Variants in TPR observed in about 807,000 individuals in gnomAD.
The protein encoded by TPR is translocated promoter region, nuclear basket protein, also known as nucleoprotein TPR.
Under a neutral mutation model 316.1 loss-of-function variants are expected in TPR, and 51 were observed. The ratio of observed to expected loss-of-function variants is 0.16; its 90% CI spans 0.13 to 0.20. TPR has a LOEUF of 0.20. Among genes scored for constraint, TPR ranks in the 10% least tolerant of loss-of-function variants. The pLI, the probability that TPR is intolerant of heterozygous loss-of-function variation, is 1.00. For missense variants in TPR, 2,272 were observed against 2,754.8 expected (o/e 0.82, Z 3.92); for synonymous variants, 981 against 914.7 (o/e 1.07, Z -1.31).
chr1:186,331,640 G>T, intron 38 of TPR, 59 bp from the exon 39 acceptor site: 3 of 1,104,594 alleles, frequency 2.7e-6, no homozygotes, highest in South Asian at 2.1e-5. Flanking sequence ...AGGGTTACCT[G>T]TTTTTGTTAG....
At chr1:186,339,616 ATGATT>A in intron 30 of TPR, 21 bp downstream of exon 30, 2 of 1,497,116 alleles carry the variant, frequency 1.3e-6, no homozygotes, top group Non-Finnish European at 1.8e-6. Flanking sequence ...TATATTATAT[ATGATT>A]TAAGGCTTCT....
At chr1:186,361,736 T>A (rs1251016842) in intron 8 of TPR, 27 bp from the exon 9 acceptor site, 1 of 1,613,100 alleles carries the variant, frequency 6.2e-7, no homozygotes, top group African/African-American at 1.3e-5. Context: ...AAAAGTTACC[T>A]AACAGTCAAC....
At chr1:186,317,331 C>A in intron 49 of TPR, 151 bp downstream of exon 49, 2 of 646,278 alleles carry the variant, frequency 3.1e-6, no homozygotes, top group South Asian at 1.9e-5. Flanking sequence ...CAATATAAAC[C>A]AAGTTCCTTT....
In TPR at chr1:186,361,806, G is replaced by C. The variant is rs1356820513; in HGVS notation, c.853C>G (p.Leu285Val). 1 of 1,613,074 alleles carries C rather than the reference G, an allele frequency of 6.2e-7. No individual in the cohort carries two copies. Among genetic ancestry groups the C allele is most frequent in the Non-Finnish European group, 8.5e-7 (1 of 1,179,298 alleles). The change falls in exon 8 of 51, where the codon CTT (leucine) becomes GTT (valine). Residue 285 changes from leucine to valine, a missense_variant. By Grantham distance (32) the Leu-to-Val change is conservative. Coordinates refer to ENST00000367478, the MANE Select transcript of TPR (RefSeq NM_003292.3). ...ATATTTACCTTGTACAAATTAGAAA[G>C]TTTTATGTGGGCATTTAATTCATTG... ...FHNELNAHIK[L>V]SNLYKSAADD...
At chr1:186,319,395 T>C (rs1320204391) in intron 46 of TPR, among the ~76,000 whole-genome samples, 1 of 152,214 alleles carries the variant, frequency 6.6e-6, no homozygotes, top group Non-Finnish European at 1.5e-5. Flanking sequence ...AAGCTAATTT[T>C]ATTGAGTATC....
At chr1:186,325,921 A>T (rs1657918609) in intron 41 of TPR, 67 bp from the exon 42 acceptor site, 16 of 1,583,654 alleles carry the variant, frequency 1.0e-5, no homozygotes, top group Non-Finnish European at 1.3e-5. Context: ...CGGACAGAAT[A>T]ATTAACCAAA....
chr1:186,319,488 G>A (rs1657710465), intron 46 of TPR, among the ~76,000 whole-genome samples: 1 of 152,104 alleles, frequency 6.6e-6, no homozygotes, highest in South Asian at 2.1e-4. Context: ...TCCAATTTAA[G>A]CCTAGATGCC....
At chr1:186,320,513 T>A in intron 45 of TPR, 95 bp from the exon 46 acceptor site, 3 of 976,082 alleles carry the variant, frequency 3.1e-6, no homozygotes, top group Non-Finnish European at 4.4e-6. Context: ...AGAATGAACA[T>A]CAACAAACTG....
rs1176345547 is a variant in TPR at position 186,325,574 on chromosome 1, A to G, written c.6112+190T>C. 4.4e-5 allele frequency: 21 copies of G among 473,198 alleles called. No homozygotes were observed. The Admixed American group carries it at 7.4e-4, about 17-fold the overall frequency. 29.3% of individuals were successfully genotyped at this position (473,198 alleles called of 1,614,324 possible). Reference sequence around the variant, plus strand: ...GCAGCCCAATGAGGCAGAAAAGAGTATAATGACAGCACCTAACAATCATAA... The same window carrying G: ...GCAGCCCAATGAGGCAGAAAAGAGTGTAATGACAGCACCTAACAATCATAA... On this transcript the variant is annotated intron_variant, in intron 42 of 50. Coordinates refer to ENST00000367478, the MANE Select transcript of TPR (RefSeq NM_003292.3).
Position 186,338,075 on chromosome 1 carries a change from C to T in TPR, c.4320G>A (p.Arg1440=), listed in dbSNP as rs1658393509. The part of the protein sequence containing the change: ...TITQVKKIGR[R]YKTQYEELKA... Reference sequence around the variant, plus strand: ...TAAGTTCTTCATATTGAGTCTTGTACCTACGTCCAATTTTCTTAACTTGAG... The same window carrying T: ...TAAGTTCTTCATATTGAGTCTTGTATCTACGTCCAATTTTCTTAACTTGAG... The change falls in exon 31 of 51, where the codon AGG becomes AGA. Residue 1440 remains arginine, a synonymous_variant. Coordinates refer to ENST00000367478, the MANE Select transcript of TPR (RefSeq NM_003292.3). 5 of 1,611,796 alleles carry T rather than the reference C, an allele frequency of 3.1e-6. No individual in the cohort carries two copies. Among genetic ancestry groups the T allele is most frequent in the Admixed American group, 3.3e-5 (2 of 59,888 alleles).
At chr1:186,366,004 G>A (rs1309798865) in intron 4 of TPR, among the ~76,000 whole-genome samples, 1 of 152,208 alleles carries the variant, frequency 6.6e-6, no homozygotes, top group Non-Finnish European at 1.5e-5. Flanking sequence ...CTATCTGGTG[G>A]AAGGGTTCTG....
intron 20 of TPR, 58 bp downstream of exon 20, chr1:186,351,272 C>T: frequency 1.3e-6 from 2 of 1,502,076 alleles, no homozygotes; most frequent in South Asian, 1.5e-5. Context: ...TGTCCACACA[C>T]CAGATTAATT....
At chr1:186,352,460 G>GT (rs1658890210) in intron 18 of TPR, among the ~76,000 whole-genome samples, 1 of 152,184 alleles carries the variant, frequency 6.6e-6, no homozygotes, top group East Asian at 1.9e-4. Flanking sequence ...ATTAAATTAT[G>GT]TAACTTTTAG....
intron 23 of TPR, 152 bp from the exon 24 acceptor site, chr1:186,345,848 T>C (rs1213667739): frequency 3.0e-6 from 2 of 663,262 alleles, no homozygotes; most frequent in Admixed American, 3.0e-5. Flanking sequence ...CACCCTGATA[T>C]AATCAGTTTT....
At chr1:186,351,951 C>T in intron 19 of TPR, 25 bp downstream of exon 19, 1 of 1,560,932 alleles carries the variant, frequency 6.4e-7, no homozygotes, top group South Asian at 1.3e-5. Flanking sequence ...TACATTTTTT[C>T]TACATAGGCT....
intron 4 of TPR, among the ~76,000 whole-genome samples, chr1:186,366,877 T>A (rs1659360386): frequency 6.6e-6 from 1 of 151,986 alleles, no homozygotes; most frequent in South Asian, 2.1e-4. Flanking sequence ...TGAATTCGTT[T>A]AGTTGTAACT....
chr1:186,339,794 C>T (rs1195662096), intron 29 of TPR, 22 bp from the exon 30 acceptor site: 1 of 1,543,556 alleles, frequency 6.5e-7, no homozygotes, highest in Non-Finnish European at 8.7e-7. Context: ...AAAATGCATA[C>T]TTGATTTTTT....
Position 186,312,660 on chromosome 1 carries a change from T to C in TPR, c.*1311A>G. The C allele has an allele frequency of 8.4e-7, 1 of 1,196,350 alleles. No individual in the cohort carries two copies. The highest frequency in any genetic ancestry group is 1.5e-5 in the African/African-American group (1 of 66,670). The allele number at this position is 1,196,350 out of a possible 1,614,324, so 74.1% of individuals were successfully genotyped here. A position where few individuals can be genotyped will look rare whatever the true frequency, so the allele number is the denominator to read the frequency against. On this transcript the variant is annotated 3_prime_UTR_variant, in exon 51 of 51. Coordinates refer to ENST00000367478, the MANE Select transcript of TPR (RefSeq NM_003292.3). Reference sequence around the variant, plus strand: ...TATACCAGTCTATAACCCTCAATAGTTCTACATCAGAGGGCTAAAACTGAG... The same window carrying C: ...TATACCAGTCTATAACCCTCAATAGCTCTACATCAGAGGGCTAAAACTGAG...
At chr1:186,336,718 A>G in intron 32 of TPR, 24 bp from the exon 33 acceptor site, 1 of 1,599,876 alleles carries the variant, frequency 6.3e-7, no homozygotes, top group Non-Finnish European at 8.5e-7. Flanking sequence ...CAAAGTATTC[A>G]CCATGGAATT....
Sources: allele counts gnomAD v4.1 joint callset (sites outside exome capture counted in the v4.1 genomes callset), GRCh38; gene constraint gnomAD v4.1.1; transcripts MANE v1.5; gene names NCBI Gene and HGNC (gene_info 2026-07-23, HGNC 2026-07-21).